Variants in C8orf76 observed in about 807,000 individuals in gnomAD.
C8orf76 encodes the protein uncharacterized protein C8orf76.
C8orf76 carries 46 observed loss-of-function variants against 38.1 expected under a neutral mutation model. The ratio of observed to expected loss-of-function variants is 1.21; its 90% CI spans 0.95 to 1.54. The LOEUF (loss-of-function observed/expected upper bound fraction) is 1.54. C8orf76 is among the 40% of genes most tolerant of loss of function. The pLI is 0.00. For synonymous variants in C8orf76, 166 were observed against 167.5 expected (o/e 0.99, Z 0.07); for missense variants, 461 against 441.6 (o/e 1.04, Z -0.39).
At position 123,226,088 on chromosome 8, in the gene C8orf76, C is replaced by T. The variant is rs973375945; in HGVS notation, c.948+412G>A. On this transcript the variant is annotated intron_variant, in intron 5 of 5. Coordinates refer to ENST00000276704, the MANE Select transcript of C8orf76 (RefSeq NM_032847.3). The stretch of plus-strand genomic sequence containing the variant: ...CCAGCTCTCCCACTGAAAATCTGAC[C>T]GCAGGCAAGTCACAAGTTCTCTGAG... 4.2e-6 allele frequency: 4 copies of T among 960,794 alleles called. No individual in the cohort carries two copies. In the African/African-American group the frequency reaches 5.3e-5, roughly 13 times the overall value. The allele number at this position is 960,794 out of a possible 1,614,324, so 59.5% of individuals were successfully genotyped here.
In C8orf76 at chr8:123,241,295, C is replaced by T. The variant is rs1179867328; in HGVS notation, c.52G>A (p.Glu18Lys). ...FGGEFEDSVF[E>K]ERPERRSGPP... Reference sequence around the variant, plus strand: ...CCTGACCGCCGCTCCGGCCTCTCCTCGAACACCGAGTCCTCGAACTCGCCG... The same window carrying T: ...CCTGACCGCCGCTCCGGCCTCTCCTTGAACACCGAGTCCTCGAACTCGCCG... Residue 18 changes from glutamate to lysine, a missense_variant, in exon 1 of 6, where the codon GAG (glutamate) becomes AAG (lysine). Physicochemically the swap from Glu to Lys is moderately conservative, Grantham distance 56. Coordinates refer to ENST00000276704, the MANE Select transcript of C8orf76 (RefSeq NM_032847.3). The T allele has an allele frequency of 1.9e-6, 3 of 1,577,504 alleles. No homozygotes were observed. Among genetic ancestry groups the T allele is most frequent in the Admixed American group, 1.9e-5 (1 of 53,350 alleles).
chr8:123,233,059 C>T (rs1350621297), intron 3 of C8orf76, among the ~76,000 whole-genome samples: 7 of 151,686 alleles, frequency 4.6e-5, no homozygotes, highest in South Asian at 2.1e-4. Context: ...TCGCTCTCGT[C>T]GCCCAGGCTG....
At chr8:123,223,783 A>T (rs1288044308) in intron 5 of C8orf76, among the ~76,000 whole-genome samples, 1 of 152,256 alleles carries the variant, frequency 6.6e-6, no homozygotes, top group Non-Finnish European at 1.5e-5. Flanking sequence ...CATAGAAGGT[A>T]TGAAGTTTTG....
intron 5 of C8orf76, among the ~76,000 whole-genome samples, chr8:123,222,909 G>A (rs1824927922): frequency 6.6e-6 from 1 of 152,128 alleles, no homozygotes; most frequent in Admixed American, 6.5e-5. Flanking sequence ...TATATAAATT[G>A]AACTAACCTT....
chr8:123,230,655 C>CTT (rs1171156477), intron 4 of C8orf76, among the ~76,000 whole-genome samples: 10 of 140,198 alleles, frequency 7.1e-5, no homozygotes, highest in African/African-American at 2.4e-4. Flanking sequence ...CTGGTCAACT[C>CTT]TTTTTTTTTT....
chr8:123,240,445 C>A (rs1215513574), intron 1 of C8orf76, among the ~76,000 whole-genome samples: 2 of 152,232 alleles, frequency 1.3e-5, no homozygotes, highest in African/African-American at 2.4e-5. Context: ...GAACCCACCA[C>A]AGTGCCCGGA....
At chr8:123,230,797 G>A (rs947580665) in intron 4 of C8orf76, among the ~76,000 whole-genome samples, 1 of 152,086 alleles carries the variant, frequency 6.6e-6, no homozygotes, top group Non-Finnish European at 1.5e-5. Flanking sequence ...CTACAGGCAC[G>A]TGCCACCATG....
chr8:123,236,828 G>T, intron 3 of C8orf76: 1 of 688,640 alleles, frequency 1.5e-6, no homozygotes. Context: ...TCTTCAGCGA[G>T]GCTGCCGAGC....
At chr8:123,227,504 TG>T (rs982523570) in intron 4 of C8orf76, among the ~76,000 whole-genome samples, 1 of 151,940 alleles carries the variant, frequency 6.6e-6, no homozygotes, top group Non-Finnish European at 1.5e-5. Flanking sequence ...CAAGACAGGG[TG>T]GACACAGTAA....
At chr8:123,231,196 T>C in intron 4 of C8orf76, 104 bp downstream of exon 4, 1 of 1,387,586 alleles carries the variant, frequency 7.2e-7, no homozygotes, top group Non-Finnish European at 9.5e-7. Context: ...TTCAAAAATA[T>C]ATACCAAATG....
chr8:123,226,316 C>A, intron 5 of C8orf76, 184 bp downstream of exon 5: 1 of 1,435,748 alleles, frequency 7.0e-7, no homozygotes, highest in Non-Finnish European at 9.0e-7. Flanking sequence ...CGGTCCCGCA[C>A]GCTGCAGGGG....
intron 2 of C8orf76, among the ~76,000 whole-genome samples, chr8:123,238,165 C>A (rs1428967838): frequency 1.3e-5 from 2 of 152,178 alleles, no homozygotes; most frequent in Non-Finnish European, 2.9e-5. Context: ...CCCATAACCC[C>A]CACATGTTGT....
At chr8:123,224,370 G>C (rs960017564) in intron 5 of C8orf76, among the ~76,000 whole-genome samples, 1 of 152,156 alleles carries the variant, frequency 6.6e-6, no homozygotes, top group South Asian at 2.1e-4. Context: ...CTAGCACTTA[G>C]GGAGGCCAAG....
At chr8:123,221,381 G>C (rs1302680142) in intron 5 of C8orf76, among the ~76,000 whole-genome samples, 1 of 152,190 alleles carries the variant, frequency 6.6e-6, no homozygotes, top group Non-Finnish European at 1.5e-5. Flanking sequence ...GGTCGCTTAA[G>C]GCCAGGAGTT....
In C8orf76 at chr8:123,237,807, A is replaced by G. The variant is rs1484501624; in HGVS notation, c.348T>C (p.Ala116=). The change falls in exon 3 of 6, where the codon GCT becomes GCC. Residue 116 remains alanine (A), a synonymous_variant. Coordinates refer to ENST00000276704, the MANE Select transcript of C8orf76 (RefSeq NM_032847.3). ...LGRHMEALEI[A]ANLENKATNT... is the part of the protein sequence containing the mutation. ...CAATAAAATCACTCACCAAGTTTGC[A>G]GCAATCTCCAGCGCCTCCATATGCC... is the stretch of plus-strand genomic sequence containing the variant. 6.2e-6 allele frequency: 10 copies of G among 1,612,484 alleles called. No homozygotes were observed. Among genetic ancestry groups the G allele is most frequent in the Non-Finnish European group, 8.5e-6 (10 of 1,179,520 alleles).
chr8:123,241,141 G>A, intron 1 of C8orf76, 89 bp downstream of exon 1: 1 of 1,335,510 alleles, frequency 7.5e-7, no homozygotes, highest in Non-Finnish European at 9.8e-7. Flanking sequence ...TTGCGTTCGC[G>A]CGGACGGAGG....
intron 4 of C8orf76, among the ~76,000 whole-genome samples, chr8:123,229,243 G>T (rs1172060462): frequency 6.6e-6 from 1 of 152,172 alleles, no homozygotes; most frequent in African/African-American, 2.4e-5. Flanking sequence ...AAGAATACAG[G>T]GTCTGGAATC....
In C8orf76 at chr8:123,234,960, T is replaced by A. The variant is rs375645258; in HGVS notation, c.357+2838A>T. ...CTGGGCAACAGAGCAAGACTCCATCTCAAAAAGAAAAAAAGAGCTGATGTA... is the reference window on the plus strand; with the variant it reads ...CTGGGCAACAGAGCAAGACTCCATCACAAAAAGAAAAAAAGAGCTGATGTA... On this transcript the variant is annotated intron_variant, in intron 3 of 5. Coordinates refer to ENST00000276704, the MANE Select transcript of C8orf76 (RefSeq NM_032847.3). Among the ~76,000 whole-genome samples the A allele has an allele frequency of 3.1e-4, 47 of 152,068 alleles. No homozygotes were observed. In the East Asian group the frequency reaches 7.0e-3, roughly 23 times the overall value.
chr8:123,236,468 T>C (rs977625837), intron 3 of C8orf76, among the ~76,000 whole-genome samples: 3 of 152,132 alleles, frequency 2.0e-5, no homozygotes, highest in Non-Finnish European at 2.9e-5. Context: ...TTAGAATGTG[T>C]GGAAAAAGGC....
Sources: allele counts gnomAD v4.1 joint callset (sites outside exome capture counted in the v4.1 genomes callset), GRCh38; gene constraint gnomAD v4.1.1; transcripts MANE v1.5; gene names NCBI Gene and HGNC (gene_info 2026-07-23, HGNC 2026-07-21).